NR3C2: variants seen among roughly 807,000 people sequenced by gnomAD.
NR3C2 encodes the protein nuclear receptor subfamily 3 group C member 2.
Under a neutral mutation model 86.4 loss-of-function variants are expected in NR3C2, and 15 were observed. That is an observed-to-expected ratio of 0.17 (90% confidence interval 0.12 to 0.27). The LOEUF is 0.27. NR3C2 is among the 10% of genes least tolerant of loss of function. The probability of loss-of-function intolerance (pLI) is 1.00; values close to 1 mark genes in which losing one functional copy is unlikely to be tolerated. For synonymous variants in NR3C2, 458 were observed against 450.5 expected (o/e 1.02, Z -0.21); for missense variants, 960 against 1,195.6 (o/e 0.80, Z 2.91).
At chr4:148,391,491 G>GGAAA (rs1182988055) in intron 2 of NR3C2, among the ~76,000 whole-genome samples, 3 of 152,146 alleles carry the variant, frequency 2.0e-5, no homozygotes, top group African/African-American at 7.2e-5. Context: ...CCCAGAGAAA[G>GGAAA]GAAAGAAAGC....
intron 4 of NR3C2, among the ~76,000 whole-genome samples, chr4:148,162,213 G>A (rs1231589795): frequency 6.6e-6 from 1 of 152,150 alleles, no homozygotes; most frequent in Non-Finnish European, 1.5e-5. Flanking sequence ...CAAATTTCTG[G>A]AAGATGATTC....
At chr4:148,145,640 C>T (rs1733831703) in intron 6 of NR3C2, among the ~76,000 whole-genome samples, 1 of 152,194 alleles carries the variant, frequency 6.6e-6, no homozygotes, top group Non-Finnish European at 1.5e-5. Context: ...ACAGTGGGGC[C>T]ACAGTGAGAC....
chr4:148,383,390 G>C (rs1432295541), intron 2 of NR3C2, among the ~76,000 whole-genome samples: 3 of 152,144 alleles, frequency 2.0e-5, no homozygotes, highest in African/African-American at 7.2e-5. Flanking sequence ...TAGAAATCTG[G>C]TAGATTTTTG....
intron 2 of NR3C2, among the ~76,000 whole-genome samples, chr4:148,273,594 A>C (rs1222961321): frequency 6.6e-6 from 1 of 152,190 alleles, no homozygotes. Flanking sequence ...AAAACAAGGG[A>C]GTCAGCCCCA....
At chr4:148,399,424 T>C (rs1448534601) in intron 2 of NR3C2, among the ~76,000 whole-genome samples, 1 of 151,794 alleles carries the variant, frequency 6.6e-6, no homozygotes, top group African/African-American at 2.4e-5. Context: ...TATAGTGTAT[T>C]ATATATAATT....
chr4:148,204,584 A>G (rs532150176), intron 3 of NR3C2, among the ~76,000 whole-genome samples: 41 of 152,332 alleles, frequency 2.7e-4, no homozygotes, highest in African/African-American at 9.1e-4. Context: ...TCATACTTAC[A>G]GCACTTTCAT....
chr4:148,211,132 T>C (rs1254811741), intron 3 of NR3C2, among the ~76,000 whole-genome samples: 1 of 152,246 alleles, frequency 6.6e-6, no homozygotes, highest in Admixed American at 6.5e-5. Flanking sequence ...ATAAGAGTCT[T>C]AAGTTGCAAA....
At chr4:148,164,908 A>T (rs901401802) in intron 4 of NR3C2, among the ~76,000 whole-genome samples, 2 of 152,168 alleles carry the variant, frequency 1.3e-5, no homozygotes, top group African/African-American at 4.8e-5. Context: ...GCTTGGGCTG[A>T]AAATAACTAG....
At chr4:148,174,322 C>G (rs1471548597) in intron 4 of NR3C2, among the ~76,000 whole-genome samples, 1 of 152,086 alleles carries the variant, frequency 6.6e-6, no homozygotes, top group African/African-American at 2.4e-5. Flanking sequence ...TTTTCTTCAC[C>G]CATAAAACAC....
At chr4:148,213,480 T>A (rs1238176330) in intron 3 of NR3C2, among the ~76,000 whole-genome samples, 1 of 152,170 alleles carries the variant, frequency 6.6e-6, no homozygotes, top group Non-Finnish European at 1.5e-5. Context: ...ACAATTCAGT[T>A]TTCTGCTTAC....
At chr4:148,359,483 A>C (rs952834122) in intron 2 of NR3C2, among the ~76,000 whole-genome samples, 3 of 152,192 alleles carry the variant, frequency 2.0e-5, no homozygotes, top group African/African-American at 7.2e-5. Flanking sequence ...TTTACCATTC[A>C]CAAATGGCAG....
chr4:148,259,867 T>A (rs61760295), intron 3 of NR3C2, 111 bp downstream of exon 3: 1 of 1,396,492 alleles, frequency 7.2e-7, no homozygotes, highest in Non-Finnish European at 1.0e-6. Flanking sequence ...ACTGACAGAT[T>A]AAATCAAAAA....
At chr4:148,153,432 C>G (rs112370299) in intron 5 of NR3C2, among the ~76,000 whole-genome samples, 2,981 of 152,242 alleles carry the variant, frequency 0.02, 91 homozygotes, top group African/African-American at 0.069. Flanking sequence ...CTTGCCTCAG[C>G]CTCCCAAAGT....
intron 3 of NR3C2, among the ~76,000 whole-genome samples, chr4:148,229,813 T>C (rs1296591603): frequency 2.6e-5 from 4 of 152,220 alleles, no homozygotes; most frequent in African/African-American, 9.6e-5. Context: ...AGGGACATTG[T>C]AGTGGACATT....
chr4:148,404,621 T>C (rs1748324826), intron 2 of NR3C2, among the ~76,000 whole-genome samples: 1 of 152,118 alleles, frequency 6.6e-6, no homozygotes, highest in African/African-American at 2.4e-5. Context: ...TACCATCTCA[T>C]TTAGAAATTA....
chr4:148,207,222 T>C (rs1257579868), intron 3 of NR3C2, among the ~76,000 whole-genome samples: 1 of 152,144 alleles, frequency 6.6e-6, no homozygotes, highest in Non-Finnish European at 1.5e-5. Flanking sequence ...ATGATAACCT[T>C]TTAAATAGGT....
chr4:148,082,892 G>C (rs532924703), intron 8 of NR3C2, among the ~76,000 whole-genome samples: 2 of 152,192 alleles, frequency 1.3e-5, no homozygotes, highest in South Asian at 4.1e-4. Flanking sequence ...GGGAAGGGGG[G>C]AGGAGCATCC....
intron 3 of NR3C2, among the ~76,000 whole-genome samples, chr4:148,196,860 T>C (rs532072032): frequency 6.0e-4 from 92 of 152,164 alleles, no homozygotes; most frequent in Middle Eastern, 3.4e-3. Context: ...TCAATATCCA[T>C]GGTAAAAATG....
chr4:148,237,581 T>G (rs13118475), intron 3 of NR3C2, among the ~76,000 whole-genome samples: 139,845 of 151,908 alleles, frequency 0.92, 65,477 homozygotes, highest in East Asian at 1. Flanking sequence ...TGGCACAATT[T>G]TATGAACTTA....
Sources: allele counts gnomAD v4.1 joint callset (sites outside exome capture counted in the v4.1 genomes callset), GRCh38; gene constraint gnomAD v4.1.1; transcripts MANE v1.5; gene names NCBI Gene and HGNC (gene_info 2026-07-23, HGNC 2026-07-21).